The following CFAP99 variants were observed in gnomAD, a reference collection of about 807,000 sequenced individuals.
CFAP99 encodes cilia and flagella associated protein 99, also known as cilia- and flagella-associated protein 99.
Under a neutral mutation model 82.7 loss-of-function variants are expected in CFAP99, and 84 were observed. That is an observed-to-expected ratio of 1.02 (90% CI 0.85 to 1.22). CFAP99 has a LOEUF of 1.22. Ranked by LOEUF, CFAP99 falls within the 50% of genes most tolerant of loss-of-function variation. CFAP99 has a pLI of 0.00. For missense variants in CFAP99, 1,059 were observed against 983.5 expected (o/e 1.08, Z -1.03); for synonymous variants, 456 against 429.5 (o/e 1.06, Z -0.76).
chr4:2,420,631 G>T (rs939329219), intron 1 of CFAP99, among the ~76,000 whole-genome samples: 1 of 152,118 alleles, frequency 6.6e-6, no homozygotes, highest in Non-Finnish European at 1.5e-5. Context: ...GGGAAGTGGG[G>T]TATCAGTTAG....
chr4:2,425,092 T>G (rs1172786547), intron 1 of CFAP99, among the ~76,000 whole-genome samples: 2 of 152,212 alleles, frequency 1.3e-5, no homozygotes, highest in Non-Finnish European at 2.9e-5. Context: ...ATGTTTTTAG[T>G]TCTGTCATCG....
chr4:2,429,622 C>T (rs1733756879), intron 2 of CFAP99, among the ~76,000 whole-genome samples: 1 of 150,418 alleles, frequency 6.6e-6, no homozygotes, highest in Admixed American at 6.6e-5. Flanking sequence ...GACAGAGTCT[C>T]ACTCTGTCAC....
chr4:2,458,267 T>A (rs542636529), intron 11 of CFAP99, among the ~76,000 whole-genome samples: 10 of 152,244 alleles, frequency 6.6e-5, no homozygotes, highest in Non-Finnish European at 1.5e-4. Context: ...ATTACCAAGT[T>A]TTTAAAGAAA....
At chr4:2,430,934 A>C (rs370521966) in intron 2 of CFAP99, among the ~76,000 whole-genome samples, 346 of 151,974 alleles carry the variant, frequency 2.3e-3, no homozygotes, top group African/African-American at 8.0e-3. Context: ...TTAGCCAAAC[A>C]CAGTGGCACG....
At chr4:2,460,015 G>T (rs1207164321) in intron 13 of CFAP99, 22 bp from the exon 14 acceptor site, 2 of 1,534,410 alleles carry the variant, frequency 1.3e-6, no homozygotes, top group Non-Finnish European at 8.7e-7. Context: ...CCCAGCTTGG[G>T]GCCTCCCCTA....
At chr4:2,434,919 G>A (rs1319590078) in intron 2 of CFAP99, among the ~76,000 whole-genome samples, 1 of 152,224 alleles carries the variant, frequency 6.6e-6, no homozygotes, top group Non-Finnish European at 1.5e-5. Context: ...TCATTCACAT[G>A]TGTGGAAACT....
intron 11 of CFAP99, among the ~76,000 whole-genome samples, chr4:2,454,600 T>TTG (rs1734385780): frequency 6.6e-6 from 1 of 150,766 alleles, no homozygotes. Context: ...TTTTGTTTTT[T>TTG]TTTTTTTTTG....
At chr4:2,437,009 C>G (rs964397535) in exon 3 of CFAP99, 10 of 1,535,904 alleles carry the variant, frequency 6.5e-6, no homozygotes, top group Non-Finnish European at 8.7e-6. Context: ...TGACCACAGC[C>G]GCTTCGAGGG....
chr4:2,445,390 G>T lies in CFAP99; in HGVS notation c.642+82G>T, dbSNP rs140660595. On this transcript the variant is annotated intron_variant, in intron 6 of 14. Transcript: ENST00000635017. ...GGGAGAGTGGACTGTGTGGGCCTGT[G>T]GGGGACTGGGCTCCCCCCAGGGCTG... 1.5e-5 allele frequency: 18 copies of T among 1,197,004 alleles called. No individual in the cohort carries two copies. The East Asian group carries it at 5.1e-4, about 34-fold the overall frequency. The allele number at this position is 1,197,004 out of a possible 1,614,324, so 74.1% of individuals were successfully genotyped here.
intron 2 of CFAP99, among the ~76,000 whole-genome samples, chr4:2,433,722 G>A (rs985156343): frequency 6.6e-6 from 1 of 152,212 alleles, no homozygotes; most frequent in African/African-American, 2.4e-5. Context: ...AAGCCATGCC[G>A]CGACTGGGAC....
intron 6 of CFAP99, 39 bp from the exon 7 acceptor site, chr4:2,449,631 G>T (rs1395745660): frequency 1.3e-6 from 2 of 1,526,678 alleles, no homozygotes; most frequent in African/African-American, 2.7e-5. Context: ...CCCACTCGCA[G>T]CTGCTGACCA....
At position 2,446,446 on chromosome 4, in the gene CFAP99, G is replaced by A. The variant is rs1384821552; in HGVS notation, c.642+1138G>A. Among the ~76,000 whole-genome samples the A allele has an allele frequency of 6.6e-6, 1 of 152,000 alleles. No homozygotes were observed. The highest frequency in any genetic ancestry group is 1.5e-5 in the Non-Finnish European group (1 of 68,008). On this transcript the variant is annotated intron_variant, in intron 6 of 14. Transcript: ENST00000635017. The surrounding 1 kb of genome is among the most constrained non-coding windows in gnomAD (Gnocchi z 5.0). ...CTCGCTCTGTCACCCAGGCTGGAGTGCAGTGGCACGATCTTGGCTCACTGC... is the reference window on the plus strand; with the variant it reads ...CTCGCTCTGTCACCCAGGCTGGAGTACAGTGGCACGATCTTGGCTCACTGC...
chr4:2,459,128 G>A, exon 13 of CFAP99: 1 of 1,530,844 alleles, frequency 6.5e-7, no homozygotes, highest in Non-Finnish European at 8.7e-7. Flanking sequence ...ATCGAGGAGA[G>A]CAGGGGGCTG....
At chr4:2,435,920 C>T (rs1733898255) in intron 2 of CFAP99, among the ~76,000 whole-genome samples, 1 of 150,918 alleles carries the variant, frequency 6.6e-6, no homozygotes, top group Non-Finnish European at 1.5e-5. Context: ...AGGTGGGGAG[C>T]AGCTACTCAG....
rs533869572 is a variant in CFAP99 at position 2,451,078 on chromosome 4, T to C, written c.867+60T>C. 39 of 1,505,326 alleles carry C rather than the reference T, an allele frequency of 2.6e-5. No individual in the cohort carries two copies. In the Admixed American group the frequency reaches 4.5e-4, roughly 17 times the overall value. 93.2% of individuals were successfully genotyped at this position (1,505,326 alleles called of 1,614,324 possible). On this transcript the variant is annotated intron_variant, in intron 9 of 14. Coordinates refer to ENST00000635017, the Ensembl canonical transcript of CFAP99. Reference sequence around the variant, plus strand: ...CCTGGGCACCCACCCCTCCAGACCTTTTCTGCCCGTAGAGGCTCAGATGAC... The same window carrying C: ...CCTGGGCACCCACCCCTCCAGACCTCTTCTGCCCGTAGAGGCTCAGATGAC...
chr4:2,423,560 A>G (rs1027988149), intron 1 of CFAP99, among the ~76,000 whole-genome samples: 4 of 152,162 alleles, frequency 2.6e-5, no homozygotes, highest in African/African-American at 9.7e-5. Context: ...TCTCTCTTCC[A>G]TGGCCCAGCC....
chr4:2,448,266 A>ATC lies in CFAP99; in HGVS notation c.643-1394_643-1393dup, dbSNP rs1160560205. 6.6e-6 allele frequency among the ~76,000 whole-genome samples: 1 copy of ATC among 152,042 alleles called. No homozygotes were observed. Among genetic ancestry groups the ATC allele is most frequent in the Non-Finnish European group, 1.5e-5 (1 of 67,990 alleles). On this transcript the variant is annotated intron_variant, in intron 6 of 14. Coordinates refer to ENST00000635017, the Ensembl canonical transcript of CFAP99. This position sits in a 1 kb window ranked among gnomAD's most constrained non-coding sequence, Gnocchi z 5.2. ...TGTCTCAGGTCATGCTGCCAACTTCATCTCTCTCTCTGTCTCTGCCAAGCA... is the reference window on the plus strand; with the variant it reads ...TGTCTCAGGTCATGCTGCCAACTTCATCTCTCTCTCTCTGTCTCTGCCAAGCA...
intron 4 of CFAP99, among the ~76,000 whole-genome samples, chr4:2,440,409 G>T (rs1402226385): frequency 6.6e-6 from 1 of 151,044 alleles, no homozygotes; most frequent in Non-Finnish European, 1.5e-5. Flanking sequence ...GCCTCCCAAA[G>T]TGCTGGGATT....
intron 11 of CFAP99, among the ~76,000 whole-genome samples, chr4:2,456,815 G>T (rs1017130682): frequency 6.6e-6 from 1 of 152,028 alleles, no homozygotes; most frequent in Non-Finnish European, 1.5e-5. Flanking sequence ...CACCGCGCCC[G>T]GCCAATAACT....
Sources: gnomAD v4.1 joint callset for allele counts (sites outside exome capture counted in the v4.1 genomes callset) on GRCh38, gnomAD v4.1.1 for gene constraint, Gnocchi (gnomAD v3.1) non-coding constraint, MANE v1.5 for transcripts, NCBI Gene and HGNC (gene_info 2026-07-23, HGNC 2026-07-21) for gene names.